EYA2: variants seen among roughly 807,000 people sequenced by gnomAD.
The protein encoded by EYA2 is protein phosphatase EYA2.
Under a neutral mutation model 69.2 loss-of-function variants are expected in EYA2, and 31 were observed. The observed-to-expected ratio is 0.45, with a 90% confidence interval of 0.34 to 0.60. The LOEUF (loss-of-function observed/expected upper bound fraction) is 0.60, where lower values mean the gene tolerates loss of function less well. Among genes scored for constraint, EYA2 ranks in the 20% least tolerant of loss-of-function variants. The pLI is 0.02. For missense variants in EYA2, 622 were observed against 701.2 expected (o/e 0.89, Z 1.28); for synonymous variants, 257 against 279.4 (o/e 0.92, Z 0.80).
intron 2 of EYA2, among the ~76,000 whole-genome samples, chr20:46,995,655 T>G (rs952890369): frequency 2.6e-5 from 4 of 152,208 alleles, no homozygotes; most frequent in African/African-American, 7.2e-5. Context: ...CTACAAATTG[T>G]CTCATCTCAC....
At chr20:47,028,205 A>G (rs1041078407) in intron 5 of EYA2, among the ~76,000 whole-genome samples, 1 of 152,246 alleles carries the variant, frequency 6.6e-6, no homozygotes, top group Non-Finnish European at 1.5e-5. Context: ...GACCTTCACC[A>G]GGAATCCAAC....
At chr20:47,019,635 T>G (rs1983625161) in intron 5 of EYA2, among the ~76,000 whole-genome samples, 2 of 152,162 alleles carry the variant, frequency 1.3e-5, no homozygotes, top group South Asian at 4.1e-4. Context: ...GCTGATTTTG[T>G]GAAATTGGCC....
chr20:47,109,330 A>G (rs2032683706), intron 9 of EYA2, among the ~76,000 whole-genome samples: 1 of 152,156 alleles, frequency 6.6e-6, no homozygotes, highest in Non-Finnish European at 1.5e-5. Flanking sequence ...TTGTCCACAC[A>G]AGGCCCCTTT....
At chr20:47,003,143 A>G (rs556971400) in intron 3 of EYA2, among the ~76,000 whole-genome samples, 1 of 152,296 alleles carries the variant, frequency 6.6e-6, no homozygotes, top group African/African-American at 2.4e-5. Flanking sequence ...GGAGGGTGGC[A>G]TAGTGGAGGG....
Position 47,112,526 on chromosome 20 carries a change from C to G in EYA2, c.888+15358C>G, listed in dbSNP as rs553565722. 1.9e-3 allele frequency among the ~76,000 whole-genome samples: 285 copies of G among 152,246 alleles called. 3 individuals are homozygous for G. Among genetic ancestry groups the G allele is most frequent in the Admixed American group, 4.0e-3 (61 of 15,292 alleles). On this transcript the variant is annotated intron_variant, in intron 9 of 15. Coordinates refer to ENST00000327619, the MANE Select transcript of EYA2 (RefSeq NM_005244.5). ...TGAGTTATGCAAGACTATATCTGAT[C>G]AGCTCCTTGCTGAGAGGAGAGATTA... is the stretch of plus-strand genomic sequence containing the variant.
intron 9 of EYA2, among the ~76,000 whole-genome samples, chr20:47,133,761 A>G (rs538487142): frequency 1.4e-4 from 21 of 152,256 alleles, no homozygotes; most frequent in African/African-American, 3.6e-4. Flanking sequence ...CCCAGCAACA[A>G]TGTGTGCGAA....
intron 1 of EYA2, among the ~76,000 whole-genome samples, chr20:46,941,118 GA>G (rs1423861249): frequency 6.6e-6 from 1 of 152,200 alleles, no homozygotes; most frequent in Non-Finnish European, 1.5e-5. Context: ...CTGACTAGGG[GA>G]CCCCCGTGCT....
intron 7 of EYA2, among the ~76,000 whole-genome samples, chr20:47,079,110 A>G (rs2031625810): frequency 6.6e-6 from 1 of 152,188 alleles, no homozygotes; most frequent in South Asian, 2.1e-4. Flanking sequence ...TATCCCCTTT[A>G]TCCTTTTCAA....
chr20:47,001,478 G>A lies in EYA2; in HGVS notation c.155+5G>A, dbSNP rs934636684. 3 of 1,613,942 alleles carry A rather than the reference G, an allele frequency of 1.9e-6. No individual in the cohort carries two copies. Among genetic ancestry groups the A allele is most frequent in the African/African-American group, 2.7e-5 (2 of 74,910 alleles). The stretch of plus-strand genomic sequence containing the variant: ...AGTGTCCCAGCTCTTCTCCAGGTGA[G>A]TGCCATTCACTTGTCTCCTGCTCAC... On this transcript the variant is annotated splice_donor_5th_base_variant and intron_variant, in intron 3 of 15. Coordinates refer to ENST00000327619, the MANE Select transcript of EYA2 (RefSeq NM_005244.5).
At chr20:47,120,277 G>A (rs1043921527) in intron 9 of EYA2, among the ~76,000 whole-genome samples, 8 of 152,118 alleles carry the variant, frequency 5.3e-5, no homozygotes, top group Non-Finnish European at 7.4e-5. Context: ...TCAGGAGGCT[G>A]AGGTGGGAGG....
chr20:47,010,857 G>A (rs1983018833), intron 4 of EYA2, among the ~76,000 whole-genome samples: 1 of 149,096 alleles, frequency 6.7e-6, no homozygotes, highest in South Asian at 2.1e-4. Context: ...GCATGATCTC[G>A]GCTCACTGCA....
At chr20:46,896,725 C>T (rs1250741368) in intron 1 of EYA2, among the ~76,000 whole-genome samples, 1 of 152,156 alleles carries the variant, frequency 6.6e-6, no homozygotes, top group Non-Finnish European at 1.5e-5. Context: ...TAACTTTTGC[C>T]ATTGTGAAAA....
At chr20:46,987,986 A>C (rs1289434415) in intron 1 of EYA2, among the ~76,000 whole-genome samples, 2 of 75,756 alleles carry the variant, frequency 2.6e-5, no homozygotes, top group Non-Finnish European at 4.9e-5. Context: ...ATATATATAT[A>C]TATATATATA....
At chr20:47,039,107 G>A (rs1405540363) in intron 5 of EYA2, among the ~76,000 whole-genome samples, 21 of 73,522 alleles carry the variant, frequency 2.9e-4, no homozygotes, top group South Asian at 7.0e-4. Context: ...AGCAGATGTC[G>A]AAATCACACA....
intron 1 of EYA2, among the ~76,000 whole-genome samples, chr20:46,959,667 CACGT>C (rs1368618424): frequency 6.6e-6 from 1 of 152,316 alleles, no homozygotes; most frequent in Admixed American, 6.5e-5. Flanking sequence ...CACACGCACG[CACGT>C]ACTTTCCTTC....
At chr20:47,096,358 A>T (rs895169646) in intron 8 of EYA2, among the ~76,000 whole-genome samples, 2 of 152,374 alleles carry the variant, frequency 1.3e-5, no homozygotes, top group South Asian at 4.1e-4. Flanking sequence ...AACCTTAGTT[A>T]TAAAACCAAT....
chr20:46,950,223 G>T (rs1978713285), intron 1 of EYA2, among the ~76,000 whole-genome samples: 1 of 152,208 alleles, frequency 6.6e-6, no homozygotes, highest in Non-Finnish European at 1.5e-5. Context: ...CTTTCCTAGA[G>T]TCTGGGAGAA....
chr20:47,154,111 A>G (rs766633947), intron 10 of EYA2, among the ~76,000 whole-genome samples: 2 of 152,034 alleles, frequency 1.3e-5, no homozygotes, highest in Non-Finnish European at 2.9e-5. Context: ...CTGGAAGTCC[A>G]TGATCCAGGT....
At chr20:46,937,800 C>T (rs1231332133) in intron 1 of EYA2, among the ~76,000 whole-genome samples, 1 of 152,090 alleles carries the variant, frequency 6.6e-6, no homozygotes, top group Non-Finnish European at 1.5e-5. Flanking sequence ...GCTTGCAAAC[C>T]ACTGGTTAGA....
Sources: gnomAD v4.1 joint callset for allele counts (sites outside exome capture counted in the v4.1 genomes callset) on GRCh38, gnomAD v4.1.1 for gene constraint, MANE v1.5 for transcripts, NCBI Gene and HGNC (gene_info 2026-07-23, HGNC 2026-07-21) for gene names.